NRG1: variants seen among roughly 807,000 people sequenced by gnomAD.
NRG1 encodes the protein neuregulin 1.
A neutral mutation model predicts 63.8 loss-of-function variants in NRG1; 18 were observed. The observed-to-expected ratio is 0.28, with a 90% CI of 0.19 to 0.42. NRG1 has a LOEUF of 0.42. NRG1 is among the 10% of genes least tolerant of loss of function. NRG1 has a pLI of 1.00. For missense variants in NRG1, 762 were observed against 814.7 expected (o/e 0.94, Z 0.79); for synonymous variants, 302 against 301.3 (o/e 1.00, Z -0.02).
chr8:32,349,648 A>G (rs562876476), intron 1 of NRG1, among the ~76,000 whole-genome samples: 1 of 152,338 alleles, frequency 6.6e-6, no homozygotes, highest in Non-Finnish European at 1.5e-5. Flanking sequence ...TGACTTGGTT[A>G]CACGAGTAAA....
chr8:32,236,541 A>G (rs1322689199), intron 1 of NRG1, among the ~76,000 whole-genome samples: 2 of 152,096 alleles, frequency 1.3e-5, no homozygotes, highest in Non-Finnish European at 2.9e-5. Context: ...TAAGCCATGA[A>G]TTGGAGTCTG....
At chr8:32,174,017 C>T (rs1840393714) in intron 1 of NRG1, among the ~76,000 whole-genome samples, 1 of 152,158 alleles carries the variant, frequency 6.6e-6, no homozygotes, top group African/African-American at 2.4e-5. Flanking sequence ...GACTCTCCAC[C>T]CCAAATCAAC....
At chr8:32,748,874 G>A (rs557363149) in intron 7 of NRG1, 1 of 279,036 alleles carries the variant, frequency 3.6e-6, no homozygotes, top group East Asian at 1.3e-4. Flanking sequence ...CCAAGCCCCT[G>A]TTTGGGGTTT....
rs189995718 is a variant in NRG1, at chr8:32,378,845, C to G, written c.38-216983C>G. Reference sequence around the variant, plus strand: ...CCATGTGTTCTCATTGTTCAATTCCCACCTATGAGTGAGAAAATGCGGTGT... The same window carrying G: ...CCATGTGTTCTCATTGTTCAATTCCGACCTATGAGTGAGAAAATGCGGTGT... On this transcript the variant is annotated intron_variant, in intron 1 of 10. Coordinates refer to the NRG1 transcript ENST00000519301. 3.8e-3 allele frequency among the ~76,000 whole-genome samples: 571 copies of G among 151,264 alleles called. 6 individuals carry two copies. The highest frequency in any genetic ancestry group is 0.013 in the African/African-American group (533 of 41,162).
At chr8:32,444,086 C>A (rs1483054136) in intron 1 of NRG1, among the ~76,000 whole-genome samples, 1 of 148,784 alleles carries the variant, frequency 6.7e-6, no homozygotes, top group East Asian at 2.0e-4. Flanking sequence ...TCCCTCCCTC[C>A]CTCTCTCTTT....
At chr8:32,379,010 G>A (rs1041661910) in intron 1 of NRG1, among the ~76,000 whole-genome samples, 6 of 151,826 alleles carry the variant, frequency 4.0e-5, no homozygotes, top group East Asian at 1.9e-4. Flanking sequence ...TTCTTAATCC[G>A]GTCTATCATT....
chr8:31,796,272 T>A lies in NRG1; in HGVS notation c.37+156841T>A, dbSNP rs556420677. ...ATATAGAAGCTCAGTGATCTTTTTA[T>A]TCTGTTTTACTCAGGCTATTCTGTA... On this transcript the variant is annotated intron_variant, in intron 1 of 10. Transcript: ENST00000519301. 5.9e-3 allele frequency among the ~76,000 whole-genome samples: 904 copies of A among 152,200 alleles called. 4 individuals carry two copies. Among genetic ancestry groups the A allele is most frequent in the Non-Finnish European group, 9.6e-3 (651 of 68,002 alleles).
At chr8:32,353,466 A>C (rs1554516276) in intron 1 of NRG1, among the ~76,000 whole-genome samples, 1 of 152,154 alleles carries the variant, frequency 6.6e-6, no homozygotes, top group African/African-American at 2.4e-5. Context: ...TGATTTTATT[A>C]TTGTTGTAAT....
At chr8:32,440,619 A>G (rs1473942670) in intron 1 of NRG1, 7 of 152,162 alleles carry the variant, frequency 4.6e-5, no homozygotes, top group Non-Finnish European at 8.8e-5. Flanking sequence ...TTAGCTGAAC[A>G]TAGCAGAGTC....
intron 1 of NRG1, among the ~76,000 whole-genome samples, chr8:32,527,468 C>T (rs1328146686): frequency 4.0e-5 from 6 of 151,050 alleles, no homozygotes; most frequent in Admixed American, 2.6e-4. Flanking sequence ...ATATGTGTAC[C>T]ATGGATATAG....
downstream of NRG1, among the ~76,000 whole-genome samples, chr8:32,768,528 T>TC: frequency 6.6e-6 from 1 of 152,278 alleles, no homozygotes; most frequent in South Asian, 2.1e-4. Context: ...TTAGGTTCAT[T>TC]CCCCTTATTC....
At chr8:32,246,556 C>T (rs546072560) in intron 1 of NRG1, among the ~76,000 whole-genome samples, 10 of 152,184 alleles carry the variant, frequency 6.6e-5, no homozygotes, top group Non-Finnish European at 1.2e-4. Context: ...CAAAGCACTA[C>T]AGCTAGATTT....
intron 1 of NRG1, among the ~76,000 whole-genome samples, chr8:32,456,435 C>A (rs757156867): frequency 2.0e-5 from 3 of 152,184 alleles, no homozygotes; most frequent in Non-Finnish European, 4.4e-5. Flanking sequence ...CACCTATACA[C>A]GGATTTTCTC....
At chr8:32,414,692 G>A (rs1815614314) in intron 1 of NRG1, among the ~76,000 whole-genome samples, 1 of 152,084 alleles carries the variant, frequency 6.6e-6, no homozygotes, top group South Asian at 2.1e-4. Context: ...CAACGTGCCT[G>A]GAAAATCAAG....
chr8:32,708,247 T>C (rs1816942668), intron 5 of NRG1, among the ~76,000 whole-genome samples: 2 of 152,124 alleles, frequency 1.3e-5, no homozygotes, highest in African/African-American at 4.8e-5. Flanking sequence ...AATAAAATAA[T>C]GCATAGAAGG....
intron 1 of NRG1, among the ~76,000 whole-genome samples, chr8:31,843,826 A>G (rs942062647): frequency 3.3e-5 from 5 of 152,254 alleles, no homozygotes; most frequent in East Asian, 1.9e-4. Flanking sequence ...GGCTATGGGG[A>G]AAAAAAGGTT....
chr8:32,335,623 A>G (rs1475000606), intron 1 of NRG1, among the ~76,000 whole-genome samples: 2 of 152,198 alleles, frequency 1.3e-5, no homozygotes, highest in African/African-American at 4.8e-5. Flanking sequence ...AAGAGTAGGA[A>G]AAAAGACCTC....
chr8:31,793,461 T>G (rs1820906408), intron 1 of NRG1, among the ~76,000 whole-genome samples: 1 of 152,220 alleles, frequency 6.6e-6, no homozygotes, highest in South Asian at 2.1e-4. Context: ...TTAATAACTA[T>G]TTTAAAGCAG....
intron 1 of NRG1, among the ~76,000 whole-genome samples, chr8:32,394,835 G>A (rs545390156): frequency 6.6e-6 from 1 of 152,242 alleles, no homozygotes; most frequent in East Asian, 1.9e-4. Context: ...TTTTTACGGG[G>A]TGACAAAGCA....
Sources: allele counts gnomAD v4.1 joint callset (sites outside exome capture counted in the v4.1 genomes callset), GRCh38; gene constraint gnomAD v4.1.1; transcripts MANE v1.5; gene names NCBI Gene and HGNC (gene_info 2026-07-23, HGNC 2026-07-21).